The following SGCD variants were observed in gnomAD, a reference collection of about 807,000 sequenced individuals.
SGCD encodes sarcoglycan delta, also known as delta-sarcoglycan.
In SGCD, 18 loss-of-function variants were observed where a neutral mutation model predicts 36.6. The ratio of observed to expected loss-of-function variants is 0.49; its 90% CI spans 0.34 to 0.73. The LOEUF is 0.73. Ranked by LOEUF, SGCD falls within the 30% of genes least tolerant of loss-of-function variation. The probability of loss-of-function intolerance (pLI) is 0.01; values close to 1 mark genes in which losing one functional copy is unlikely to be tolerated. For missense variants in SGCD, 387 were observed against 346.7 expected (o/e 1.12, Z -0.92); for synonymous variants, 133 against 130.6 (o/e 1.02, Z -0.12).
intron 3 of SGCD, among the ~76,000 whole-genome samples, chr5:156,320,033 C>T (rs1019323701): frequency 2.6e-5 from 4 of 151,878 alleles, no homozygotes; most frequent in African/African-American, 9.7e-5. Flanking sequence ...CTAATAAACC[C>T]CTTATAAAGA....
Position 156,765,284 on chromosome 5 carries a change from A to C in SGCD, c.*5894A>C, listed in dbSNP as rs892988131. The C allele has an allele frequency of 6.6e-6, 1 of 152,218 alleles. No homozygotes were observed. Among genetic ancestry groups the C allele is most frequent in the Non-Finnish European group, 1.5e-5 (1 of 68,036 alleles). 9.4% of individuals were successfully genotyped at this position (152,218 alleles called of 1,614,324 possible). ...ACTCCAAACTGGTCTATTAGGTTCC[A>C]TGGGAACACTTGTAGCCAAAGGATT... On this transcript the variant is annotated 3_prime_UTR_variant, in exon 9 of 9. Transcript: ENST00000337851.
chr5:155,985,723 G>A (rs56184653), intron 1 of SGCD, among the ~76,000 whole-genome samples: 6,899 of 152,210 alleles, frequency 0.045, 549 homozygotes, highest in African/African-American at 0.16. Context: ...TAATGAAATT[G>A]CAGACTGCCT....
At chr5:156,229,253 C>CATACATATATAT (rs1581181493) in intron 3 of SGCD, among the ~76,000 whole-genome samples, 1 of 66,348 alleles carries the variant, frequency 1.5e-5, no homozygotes. Flanking sequence ...TATATATATA[C>CATACATATATAT]ATACATACAT....
the SGCD span, among the ~76,000 whole-genome samples, chr5:155,804,247 A>G: frequency 1.3e-5 from 2 of 152,224 alleles, no homozygotes; most frequent in African/African-American, 2.4e-5. Context: ...ATTTCCTGCA[A>G]TAAAGCAGTG....
intron 3 of SGCD, among the ~76,000 whole-genome samples, chr5:156,235,655 C>G (rs1454678285): frequency 6.6e-6 from 1 of 152,134 alleles, no homozygotes; most frequent in Non-Finnish European, 1.5e-5. Flanking sequence ...TTTGGTCTGT[C>G]TTCTAATCGA....
intron 1 of SGCD, among the ~76,000 whole-genome samples, chr5:155,990,721 C>G (rs138463810): frequency 4.6e-5 from 7 of 152,258 alleles, no homozygotes; most frequent in African/African-American, 1.7e-4. Context: ...CTTACTACAT[C>G]AAGTATTCCA....
At chr5:156,107,801 C>G (rs889863642) in intron 1 of SGCD, among the ~76,000 whole-genome samples, 1 of 152,124 alleles carries the variant, frequency 6.6e-6, no homozygotes, top group African/African-American at 2.4e-5. Context: ...AACTTACTCT[C>G]CATGGAAACA....
chr5:156,291,090 A>G (rs192395823), intron 3 of SGCD, among the ~76,000 whole-genome samples: 1 of 152,278 alleles, frequency 6.6e-6, no homozygotes, highest in Admixed American at 6.5e-5. Flanking sequence ...TGACTCTGCC[A>G]TTGTAGTACA....
At chr5:156,289,472 C>A (rs971841416) in intron 3 of SGCD, among the ~76,000 whole-genome samples, 10 of 152,006 alleles carry the variant, frequency 6.6e-5, no homozygotes, top group Middle Eastern at 3.4e-3. Flanking sequence ...CCTCACCCCC[C>A]ACAGGCCCCG....
At chr5:156,124,525 CA>C (rs1355878095) in intron 3 of SGCD, among the ~76,000 whole-genome samples, 4 of 152,024 alleles carry the variant, frequency 2.6e-5, no homozygotes, top group Non-Finnish European at 5.9e-5. Context: ...AAGTTGAAGT[CA>C]AAAGGTCTCG....
chr5:156,102,845 A>G (rs765699662), intron 1 of SGCD, among the ~76,000 whole-genome samples: 2 of 152,204 alleles, frequency 1.3e-5, no homozygotes, highest in African/African-American at 2.4e-5. Flanking sequence ...TTGTGTGTGT[A>G]CACACATACA....
rs185516962 is a variant in SGCD, at chr5:155,912,532, G to A, written c.-282+42108G>A. On this transcript the variant is annotated intron_variant, in intron 1 of 9. Transcript: ENST00000517913. ...AGGCTGAAGCGGCACAGTCTGCTCC[G>A]TGTGCGGCAACCACACAGTAAGTCA... 1.0e-3 allele frequency among the ~76,000 whole-genome samples: 154 copies of A among 152,264 alleles called. 2 individuals carry two copies. The highest frequency in any genetic ancestry group is 1.8e-3 in the Non-Finnish European group (124 of 68,018).
chr5:156,232,321 C>G (rs1765039805), intron 3 of SGCD, among the ~76,000 whole-genome samples: 1 of 152,172 alleles, frequency 6.6e-6, no homozygotes, highest in Admixed American at 6.5e-5. Flanking sequence ...TTGGGCACCT[C>G]CAATATCTGC....
At chr5:156,521,869 C>T (rs1407142709) in intron 4 of SGCD, among the ~76,000 whole-genome samples, 3 of 152,160 alleles carry the variant, frequency 2.0e-5, no homozygotes, top group Non-Finnish European at 4.4e-5. Flanking sequence ...GAATATAGAT[C>T]ATTCCATTAT....
chr5:156,454,654 G>T (rs760560646), intron 3 of SGCD, among the ~76,000 whole-genome samples: 2 of 152,140 alleles, frequency 1.3e-5, no homozygotes, highest in Non-Finnish European at 2.9e-5. Context: ...TTCATGGGGT[G>T]CAGGTGAGCC....
intron 3 of SGCD, among the ~76,000 whole-genome samples, chr5:156,360,270 A>ATTTTATT: frequency 6.7e-6 from 1 of 149,238 alleles, no homozygotes; most frequent in African/African-American, 2.5e-5. Context: ...TTTTGGAGAC[A>ATTTTATT]AAGTCTTGCT....
chr5:156,444,140 T>TC (rs1240538841), intron 3 of SGCD, among the ~76,000 whole-genome samples: 1 of 63,706 alleles, frequency 1.6e-5, no homozygotes, highest in Non-Finnish European at 3.1e-5. Flanking sequence ...CTCTCTCTCC[T>TC]TCCCTTTCTC....
At chr5:155,956,262 G>T (rs1354772217) in intron 1 of SGCD, among the ~76,000 whole-genome samples, 2 of 151,904 alleles carry the variant, frequency 1.3e-5, no homozygotes, top group Non-Finnish European at 2.9e-5. Context: ...TTACTAGCTT[G>T]CAAGAGGTGA....
At chr5:156,067,677 A>G (rs1360151688) in intron 1 of SGCD, among the ~76,000 whole-genome samples, 4 of 117,908 alleles carry the variant, frequency 3.4e-5, no homozygotes, top group Middle Eastern at 3.9e-3. Flanking sequence ...GAAAAGCGCA[A>G]TATTCGGGTG....
Sources: gnomAD v4.1 joint callset for allele counts (sites outside exome capture counted in the v4.1 genomes callset) on GRCh38, gnomAD v4.1.1 for gene constraint, MANE v1.5 for transcripts, NCBI Gene and HGNC (gene_info 2026-07-23, HGNC 2026-07-21) for gene names.